The following AMMECR1 variants were observed in gnomAD, a reference collection of about 807,000 sequenced individuals.
AMMECR1 encodes the protein nuclear protein AMMECR1.
In AMMECR1, 3 loss-of-function variants were observed where a neutral mutation model predicts 22.5. That is an observed-to-expected ratio of 0.13 (90% CI 0.06 to 0.35). AMMECR1 has a LOEUF of 0.35. Ranked by LOEUF, AMMECR1 falls within the 10% of genes least tolerant of loss-of-function variation. The pLI is 1.00. For synonymous variants in AMMECR1, 130 were observed against 116.7 expected, an observed-to-expected ratio of 1.11 and a Z score of -0.74; for missense variants, 235 against 278.7, an observed-to-expected ratio of 0.84 and a Z score of 1.12.
chrX:110,278,139 C>T (rs2067835587), intron 1 of AMMECR1, among the ~76,000 whole-genome samples: 1 of 111,662 alleles, frequency 9.0e-6, no homozygotes, highest in Non-Finnish European at 1.9e-5. Flanking sequence ...AATAACAATG[C>T]CATATCTATA....
At position 110,317,766 on chromosome X, in the gene AMMECR1, G is replaced by A; in HGVS notation, c.306C>T (p.Ala102=). ...GVGTLLSTPA[A]ATSSSPSSSS... Reference sequence around the variant, plus strand: ...ATGAGGAGGGTGAGGAAGAGGTGGCGGCGGCCGGGGTAGAAAGTAGGGTCC... The same window carrying A: ...ATGAGGAGGGTGAGGAAGAGGTGGCAGCGGCCGGGGTAGAAAGTAGGGTCC... The change falls in exon 1 of 6, where the codon GCC becomes GCT. Residue 102 remains alanine, a synonymous_variant. Transcript: ENST00000262844. 8.5e-7 allele frequency: 1 copy of A among 1,180,270 alleles called. No individual in the cohort carries two copies. The highest frequency in any genetic ancestry group is 1.1e-6 in the Non-Finnish European group (1 of 879,212).
At chrX:110,200,097 A>C (rs1184572555) in intron 5 of AMMECR1, among the ~76,000 whole-genome samples, 1 of 110,535 alleles carries the variant, frequency 9.0e-6, no homozygotes, top group East Asian at 2.8e-4. Context: ...TCCTCCTGTC[A>C]AAAAAAAATC....
chrX:110,303,718 G>A (rs999841773), intron 1 of AMMECR1, among the ~76,000 whole-genome samples: 1 of 112,181 alleles, frequency 8.9e-6, no homozygotes, highest in African/African-American at 3.2e-5. Context: ...ATTCGACTAT[G>A]ATAGGAGGGA....
intron 3 of AMMECR1, among the ~76,000 whole-genome samples, chrX:110,203,263 G>C (rs1445412047): frequency 9.0e-6 from 1 of 111,654 alleles, no homozygotes; most frequent in Non-Finnish European, 1.9e-5. Flanking sequence ...TACTAGCCCA[G>C]AGACCACTGT....
intron 2 of AMMECR1, among the ~76,000 whole-genome samples, chrX:110,374,592 T>C (rs750540716): frequency 3.9e-4 from 44 of 112,207 alleles, no homozygotes; most frequent in African/African-American, 1.3e-3. Flanking sequence ...GCAATTAATC[T>C]TTAAAACTTA....
At chrX:110,264,455 T>C (rs752085232) in intron 2 of AMMECR1, 34 bp downstream of exon 2, 2 of 841,781 alleles carry the variant, frequency 2.4e-6, no homozygotes, top group African/African-American at 2.1e-5. Context: ...TTTTTTTTAA[T>C]GTAAAAGCAG....
intron 1 of AMMECR1, among the ~76,000 whole-genome samples, chrX:110,276,139 T>C (rs901137376): frequency 1.8e-5 from 2 of 111,659 alleles, no homozygotes. Context: ...AATTCATTGA[T>C]ATTTTCCTCT....
At chrX:110,423,966 A>G (rs2068737094) in intron 2 of AMMECR1, among the ~76,000 whole-genome samples, 1 of 112,674 alleles carries the variant, frequency 8.9e-6, no homozygotes, top group East Asian at 2.8e-4. Flanking sequence ...AAAGATGCAC[A>G]TTCATTAATT....
At chrX:110,293,441 A>T (rs189082195) in intron 1 of AMMECR1, among the ~76,000 whole-genome samples, 103 of 111,737 alleles carry the variant, frequency 9.2e-4, no homozygotes, top group Middle Eastern at 9.2e-3. Flanking sequence ...CCAATGATCT[A>T]GCATTCTGAG....
intron 2 of AMMECR1, among the ~76,000 whole-genome samples, chrX:110,343,921 A>G (rs180978226): frequency 8.9e-6 from 1 of 111,840 alleles, no homozygotes; most frequent in African/African-American, 3.3e-5. Context: ...ATACTGCCCA[A>G]GGTAATCTAT....
chrX:110,206,807 C>T (rs1453623310), intron 3 of AMMECR1, among the ~76,000 whole-genome samples: 1 of 111,746 alleles, frequency 8.9e-6, no homozygotes, highest in Non-Finnish European at 1.9e-5. Flanking sequence ...ATTTTCAGAA[C>T]CAAATGCTGG....
chrX:110,291,017 A>G (rs2067905246), intron 1 of AMMECR1, among the ~76,000 whole-genome samples: 1 of 111,806 alleles, frequency 8.9e-6, no homozygotes, highest in South Asian at 3.7e-4. Context: ...TGAGAGGCAG[A>G]TTTAAAAATT....
chrX:110,355,453 T>G (rs1316104242), intron 2 of AMMECR1, among the ~76,000 whole-genome samples: 1 of 111,895 alleles, frequency 8.9e-6, no homozygotes, highest in African/African-American at 3.3e-5. Flanking sequence ...AGACATTTCT[T>G]AAGAGTTGTG....
chrX:110,248,604 T>C (rs753805641), intron 2 of AMMECR1, among the ~76,000 whole-genome samples: 32 of 112,241 alleles, frequency 2.9e-4, no homozygotes, highest in African/African-American at 5.5e-4. Context: ...AAACTGCTCC[T>C]AAGGAACTTC....
chrX:110,283,141 AT>A (rs966648377), intron 1 of AMMECR1, among the ~76,000 whole-genome samples: 22 of 112,303 alleles, frequency 2.0e-4, no homozygotes, highest in Admixed American at 1.3e-3. Flanking sequence ...GGAAAAGGAA[AT>A]TTTCAATCTG....
chrX:110,349,513 G>A (rs1011286000), intron 2 of AMMECR1, among the ~76,000 whole-genome samples: 1 of 111,650 alleles, frequency 9.0e-6, no homozygotes, highest in Non-Finnish European at 1.9e-5. Flanking sequence ...ACAAAGTTCA[G>A]TTCATTTGTG....
At chrX:110,308,781 T>C (rs1410925926) in intron 1 of AMMECR1, among the ~76,000 whole-genome samples, 1 of 111,343 alleles carries the variant, frequency 9.0e-6, no homozygotes, top group African/African-American at 3.3e-5. Context: ...TTTTTTAATT[T>C]GTTTTTGTCA....
At chrX:110,246,591 G>C (rs1220466007) in intron 2 of AMMECR1, among the ~76,000 whole-genome samples, 1 of 111,993 alleles carries the variant, frequency 8.9e-6, no homozygotes, top group African/African-American at 3.2e-5. Context: ...GGGATGCAAA[G>C]ATGTGAAAAA....
intron 3 of AMMECR1, among the ~76,000 whole-genome samples, chrX:110,212,917 T>C (rs1309933091): frequency 8.9e-6 from 1 of 111,775 alleles, no homozygotes; most frequent in Non-Finnish European, 1.9e-5. Context: ...TAGTATAATA[T>C]ATAAAAGATA....
Sources: allele counts gnomAD v4.1 joint callset (sites outside exome capture counted in the v4.1 genomes callset), GRCh38; gene constraint gnomAD v4.1.1; transcripts MANE v1.5; gene names NCBI Gene and HGNC (gene_info 2026-07-23, HGNC 2026-07-21).